PHC3: variants seen among roughly 807,000 people sequenced by gnomAD.
PHC3 encodes polyhomeotic-like protein 3.
A neutral mutation model predicts 107.4 loss-of-function variants in PHC3; 13 were observed. That is an observed-to-expected ratio of 0.12 (90% confidence interval 0.08 to 0.19). The LOEUF is 0.19. Ranked by LOEUF, PHC3 falls within the 10% of genes least tolerant of loss-of-function variation. The pLI, the probability that PHC3 is intolerant of heterozygous loss-of-function variation, is 1.00. For synonymous variants in PHC3, 456 were observed against 427.4 expected, an observed-to-expected ratio of 1.07 and a Z score of -0.83; for missense variants, 992 against 1,210.9, an observed-to-expected ratio of 0.82 and a Z score of 2.68.
chr3:170,132,748 G>A lies in PHC3; in HGVS notation c.920-3196C>T, dbSNP rs139779753. ...CTATGGTATTTTGTTATGGCAGCTG[G>A]AGCAGATTGATTAATACAGGACCTT... On this transcript the variant is annotated intron_variant, in intron 7 of 14. Coordinates refer to ENST00000495893, the MANE Select transcript of PHC3 (RefSeq NM_024947.4). 1.0e-3 allele frequency among the ~76,000 whole-genome samples: 156 copies of A among 152,314 alleles called. No homozygotes were observed. In the East Asian group the frequency reaches 0.026, roughly 25 times the overall value.
chr3:170,120,126 T>C (rs1347121409), intron 9 of PHC3, among the ~76,000 whole-genome samples: 1 of 152,178 alleles, frequency 6.6e-6, no homozygotes, highest in Admixed American at 6.5e-5. Context: ...CTGACTTTTT[T>C]TTTGGTAACT....
At chr3:170,134,648 CA>C (rs752459283) in intron 7 of PHC3, among the ~76,000 whole-genome samples, 2 of 152,026 alleles carry the variant, frequency 1.3e-5, no homozygotes, top group Admixed American at 1.3e-4. Context: ...ATTAATCCAA[CA>C]AATATGTACC....
intron 4 of PHC3, among the ~76,000 whole-genome samples, chr3:170,165,753 CAAAAAAA>C (rs1201987701): frequency 1.0e-3 from 41 of 41,114 alleles, no homozygotes; most frequent in Admixed American, 1.3e-3. Flanking sequence ...GACCTTGTCT[CAAAAAAA>C]AAAAAAAAAA....
intron 6 of PHC3, among the ~76,000 whole-genome samples, chr3:170,139,696 C>CA (rs916464005): frequency 5.9e-5 from 9 of 152,084 alleles, no homozygotes; most frequent in African/African-American, 2.2e-4. Flanking sequence ...GTTAAAATAT[C>CA]TATGATCATT....
Position 170,113,359 on chromosome 3 carries a change from C to G in PHC3, c.2353+1G>C. ...GGGTATCTTAAGTGAAACCCACAAA[C>G]CTTCAGCAATCATGTCTTCCATCTC... On this transcript the variant is annotated splice_donor_variant, in intron 11 of 14. Transcript: ENST00000495893. LOFTEE classifies it high-confidence loss of function. 1 of 1,601,608 alleles carries G rather than the reference C, an allele frequency of 6.2e-7. No homozygotes were observed. The highest frequency in any genetic ancestry group is 8.5e-7 in the Non-Finnish European group (1 of 1,174,836).
chr3:170,181,622 G>C (rs1024928127), intron 1 of PHC3, 80 bp downstream of exon 1: 1 of 1,602,830 alleles, frequency 6.2e-7, no homozygotes, highest in African/African-American at 1.3e-5. Flanking sequence ...AAAGAGCCCT[G>C]AGCTTTCCCC....
intron 4 of PHC3, among the ~76,000 whole-genome samples, chr3:170,151,536 A>C (rs1301011597): frequency 2.0e-5 from 3 of 152,236 alleles, no homozygotes; most frequent in Non-Finnish European, 4.4e-5. Context: ...CTCAGCTGAC[A>C]CCAAGGCAGT....
Position 170,140,667 on chromosome 3 carries a change from C to T in PHC3, c.673-4002G>A, listed in dbSNP as rs1008961497. Among the ~76,000 whole-genome samples the T allele has an allele frequency of 1.0e-4, 14 of 139,102 alleles. No homozygotes were observed. In the South Asian group the frequency reaches 3.3e-3, roughly 32 times the overall value. 91.3% of individuals were successfully genotyped at this position (139,102 alleles called of 152,430 possible). A position where few individuals can be genotyped will look rare whatever the true frequency, so the allele number is the denominator to read the frequency against. On this transcript the variant is annotated intron_variant, in intron 6 of 14. Transcript: ENST00000495893. ...GGACTGTAGTGGTGCGATCTCGGCTCACTGCAACCTCCACATCTCGGGTGC... is the reference window on the plus strand; with the variant it reads ...GGACTGTAGTGGTGCGATCTCGGCTTACTGCAACCTCCACATCTCGGGTGC...
chr3:170,111,684 A>C (rs964109443), intron 11 of PHC3, among the ~76,000 whole-genome samples: 3 of 152,224 alleles, frequency 2.0e-5, no homozygotes, highest in African/African-American at 7.2e-5. Flanking sequence ...TAAAAATCAA[A>C]TTTTAAACTA....
chr3:170,164,331 C>G (rs916644969), intron 4 of PHC3, among the ~76,000 whole-genome samples: 1 of 152,166 alleles, frequency 6.6e-6, no homozygotes, highest in Non-Finnish European at 1.5e-5. Flanking sequence ...TAGGCAACAA[C>G]AGTTTGTTCA....
intron 5 of PHC3, 76 bp downstream of exon 5, chr3:170,149,010 T>C (rs1577164931): frequency 7.2e-7 from 1 of 1,396,864 alleles, no homozygotes; most frequent in Non-Finnish European, 9.8e-7. Context: ...AAATACCTCT[T>C]ATTGTATCAA....
At position 170,128,991 on chromosome 3, in the gene PHC3, A is replaced by G; in HGVS notation, c.1481T>C (p.Val494Ala). 6.2e-7 allele frequency: 1 copy of G among 1,613,862 alleles called. No individual in the cohort carries two copies. ...TGAATATTGCTGGTGTGATGGAGAG[A>G]CAATCTGCTGGCCTGGGGATACCAA... ...SALVSPGQQI[V>A]SPSHQQYSSL... Residue 494 changes from valine to alanine, a missense_variant, in exon 8 of 15, where the codon GTC becomes GCC. This residue lies in a region of PHC3 where 543 missense variants were observed against 590.8 expected (regional missense o/e 0.92). Transcript: ENST00000495893.
chr3:170,150,037 CTATACATGA>C (rs1222067211), intron 4 of PHC3: 1 of 152,132 alleles, frequency 6.6e-6, no homozygotes, highest in Non-Finnish European at 1.5e-5. Context: ...GATTTGATCA[CTATACATGA>C]TATACATGTA....
chr3:170,155,301 G>T (rs1016748695), intron 4 of PHC3, among the ~76,000 whole-genome samples: 4 of 152,206 alleles, frequency 2.6e-5, no homozygotes, highest in African/African-American at 9.6e-5. Flanking sequence ...TCTGTATTCA[G>T]TGGCATTAAA....
Position 170,097,334 on chromosome 3 carries a change from C to A in PHC3, c.2884G>T (p.Ala962Ser). 6.2e-7 allele frequency: 1 copy of A among 1,613,552 alleles called. No individual in the cohort carries two copies. Among genetic ancestry groups the A allele is most frequent in the Non-Finnish European group, 8.5e-7 (1 of 1,179,632 alleles). The change falls in exon 15 of 15, where the codon GCC becomes TCC. Residue 962 changes from alanine (A) to serine (S), a missense_variant. Physicochemically the swap from Ala to Ser is moderately conservative, Grantham distance 99 (BLOSUM62 1). Transcript: ENST00000495893. The surrounding 1 kb of genome is among the most constrained non-coding windows in gnomAD (Gnocchi z 4.1). ...EFRAQEIDGQ[A>S]LLLLKEDHLM... ...TGGTCTTCTTTCAGCAAGAGAAGGG[C>A]CTGTCCATCAATCTCCTGTGCTCTG...
rs1358777576 is a variant in PHC3, at chr3:170,092,941, G to A, written c.*4289C>T. 3.3e-5 allele frequency: 5 copies of A among 152,170 alleles called. No homozygotes were observed. The highest frequency in any genetic ancestry group is 4.2e-4 in the South Asian group (2 of 4,818). The allele number at this position is 152,170 out of a possible 1,614,324, so 9.4% of individuals were successfully genotyped here. A position where few individuals can be genotyped will look rare whatever the true frequency, so the allele number is the denominator to read the frequency against. On this transcript the variant is annotated 3_prime_UTR_variant, in exon 15 of 15. Coordinates refer to ENST00000495893, the MANE Select transcript of PHC3 (RefSeq NM_024947.4). Reference sequence around the variant, plus strand: ...TGCTATAACTGGCATCTAACAAAACGCATTATTTTGAACTATGGATGAAAG... The same window carrying A: ...TGCTATAACTGGCATCTAACAAAACACATTATTTTGAACTATGGATGAAAG...
At chr3:170,178,683 G>A in intron 2 of PHC3, 90 bp downstream of exon 2, 1 of 1,381,226 alleles carries the variant, frequency 7.2e-7, no homozygotes, top group Non-Finnish European at 1.0e-6. Flanking sequence ...CTGTACATTT[G>A]AGAATATGAA....
At position 170,107,376 on chromosome 3, in the gene PHC3, GGA is replaced by G. The variant is rs1259362299; in HGVS notation, c.2354-432_2354-431del. Among the ~76,000 whole-genome samples the G allele has an allele frequency of 2.6e-5, 4 of 152,208 alleles. No individual in the cohort carries two copies. In the South Asian group the frequency reaches 6.2e-4, roughly 24 times the overall value. On this transcript the variant is annotated intron_variant, in intron 11 of 14. Coordinates refer to ENST00000495893, the MANE Select transcript of PHC3 (RefSeq NM_024947.4). ...TAGCAGGGAACTCTTAATTCTAACT[GGA>G]GAGAATAAAGATGGCTTCAAAATGG...
At chr3:170,180,097 T>A (rs752555983) in intron 1 of PHC3, among the ~76,000 whole-genome samples, 12 of 149,842 alleles carry the variant, frequency 8.0e-5, no homozygotes, top group Non-Finnish European at 1.5e-4. Context: ...ATATTACGTA[T>A]GTAAACAGTA....
Sources: allele counts gnomAD v4.1 joint callset (sites outside exome capture counted in the v4.1 genomes callset), GRCh38; gene constraint gnomAD v4.1.1; regional missense constraint gnomAD v4.1.1; non-coding constraint Gnocchi (gnomAD v3.1); transcripts MANE v1.5; gene names NCBI Gene and HGNC (gene_info 2026-07-23, HGNC 2026-07-21).